Variants in FYB2 observed in about 807,000 individuals in gnomAD.
FYB2 encodes FYN-binding protein 2.
A neutral mutation model predicts 94.1 loss-of-function variants in FYB2; 103 were observed. The ratio of observed to expected loss-of-function variants is 1.09; its 90% CI spans 0.93 to 1.29. FYB2 has a LOEUF of 1.29. FYB2 is among the 50% of genes most tolerant of loss of function. FYB2 has a pLI of 0.00. For missense variants in FYB2, 896 were observed against 841.5 expected, an observed-to-expected ratio of 1.06 and a Z score of -0.80; for synonymous variants, 293 against 287.9, an observed-to-expected ratio of 1.02 and a Z score of -0.18.
At chr1:56,748,129 G>A (rs1645111021) in intron 9 of FYB2, among the ~76,000 whole-genome samples, 1 of 152,036 alleles carries the variant, frequency 6.6e-6, no homozygotes, top group African/African-American at 2.4e-5. Flanking sequence ...TAAGTTTCTT[G>A]TAGATTCTGG....
chr1:56,799,048 T>C (rs1335689184), intron 1 of FYB2, among the ~76,000 whole-genome samples: 2 of 152,212 alleles, frequency 1.3e-5, no homozygotes, highest in African/African-American at 2.4e-5. Context: ...ACTATATTTT[T>C]TTCTATCCTC....
intron 5 of FYB2, among the ~76,000 whole-genome samples, chr1:56,761,583 T>C (rs1645495790): frequency 6.6e-6 from 1 of 152,170 alleles, no homozygotes; most frequent in Non-Finnish European, 1.5e-5. Context: ...TGAGGACAAT[T>C]CTGCAGAGCT....
chr1:56,813,673 T>C (rs1570258172), intron 1 of FYB2, among the ~76,000 whole-genome samples: 1 of 152,182 alleles, frequency 6.6e-6, no homozygotes, highest in African/African-American at 2.4e-5. Flanking sequence ...GTGACACAAT[T>C]TGACCCATAA....
chr1:56,815,568 C>A (rs1646864368), intron 1 of FYB2, among the ~76,000 whole-genome samples: 1 of 152,082 alleles, frequency 6.6e-6, no homozygotes, highest in African/African-American at 2.4e-5. Context: ...CAAGAACATT[C>A]ATGGAGCAGC....
intron 1 of FYB2, among the ~76,000 whole-genome samples, chr1:56,816,240 T>C (rs2101112133): frequency 6.6e-6 from 1 of 152,306 alleles, no homozygotes; most frequent in East Asian, 1.9e-4. Context: ...TAAAAGTCAT[T>C]TGGCTGCATC....
At chr1:56,802,709 C>T (rs1297226261) in intron 1 of FYB2, among the ~76,000 whole-genome samples, 1 of 152,166 alleles carries the variant, frequency 6.6e-6, no homozygotes, top group African/African-American at 2.4e-5. Context: ...ATCTCAATTG[C>T]CTTTTCAAGG....
chr1:56,788,386 A>G (rs1646179725), intron 3 of FYB2, among the ~76,000 whole-genome samples: 1 of 152,360 alleles, frequency 6.6e-6, no homozygotes, highest in Admixed American at 6.5e-5. Context: ...TAAAATGTCA[A>G]CAAGATCAGA....
intron 15 of FYB2, among the ~76,000 whole-genome samples, chr1:56,736,181 G>A (rs1410428321): frequency 6.6e-6 from 1 of 151,960 alleles, no homozygotes; most frequent in African/African-American, 2.4e-5. Flanking sequence ...GGATGGCATA[G>A]TTCATATTTT....
chr1:56,770,540 T>C (rs1321284272), intron 4 of FYB2, among the ~76,000 whole-genome samples: 2 of 152,178 alleles, frequency 1.3e-5, no homozygotes, highest in East Asian at 3.9e-4. Context: ...AAAAATGAAT[T>C]AATCAGTTTT....
At chr1:56,767,014 C>T (rs1645639565) in intron 5 of FYB2, among the ~76,000 whole-genome samples, 2 of 152,156 alleles carry the variant, frequency 1.3e-5, no homozygotes, top group African/African-American at 2.4e-5. Flanking sequence ...TTTATGGCCT[C>T]GTGCAACTCA....
chr1:56,751,147 A>G lies in FYB2; in HGVS notation c.1284T>C (p.Gly428=). 6.2e-7 allele frequency: 1 copy of G among 1,612,640 alleles called. No individual in the cohort carries two copies. The highest frequency in any genetic ancestry group is 8.5e-7 in the Non-Finnish European group (1 of 1,179,184). The change falls in exon 9 of 20, where the codon GGT becomes GGC. Residue 428 remains glycine, a synonymous_variant. Transcript: ENST00000343433. ...EKIQMTNVHT[G]RRNMLAGKQE... ...GCTTTCCAGCCAACATGTTCCTTCT[A>G]CCTGTGTGGACGTTGGTCATCTGAA...
At chr1:56,759,232 C>CA (rs1200970751) in intron 5 of FYB2, among the ~76,000 whole-genome samples, 2 of 152,052 alleles carry the variant, frequency 1.3e-5, no homozygotes, top group Non-Finnish European at 2.9e-5. Context: ...TTGACTTTTC[C>CA]AATAGTTCTG....
intron 1 of FYB2, among the ~76,000 whole-genome samples, chr1:56,797,430 C>T (rs778661922): frequency 5.3e-5 from 8 of 152,164 alleles, no homozygotes; most frequent in Admixed American, 3.3e-4. Context: ...ACCTACCTTA[C>T]CCTGGGTATA....
At chr1:56,746,316 G>T (rs1052581340) in intron 9 of FYB2, among the ~76,000 whole-genome samples, 3 of 151,964 alleles carry the variant, frequency 2.0e-5, no homozygotes, top group Non-Finnish European at 4.4e-5. Context: ...TACATTTATA[G>T]TGTTTACTGA....
intron 6 of FYB2, among the ~76,000 whole-genome samples, chr1:56,757,363 A>G (rs1386750701): frequency 2.0e-5 from 3 of 152,108 alleles, no homozygotes; most frequent in African/African-American, 7.2e-5. Flanking sequence ...AGAGAACCAA[A>G]ACAGAGAGAT....
chr1:56,760,673 C>T (rs2100764037), intron 5 of FYB2, among the ~76,000 whole-genome samples: 1 of 152,278 alleles, frequency 6.6e-6, no homozygotes, highest in East Asian at 1.9e-4. Flanking sequence ...CTTCTCCTAA[C>T]CACCTTGAGA....
At chr1:56,780,171 G>A (rs1645974768) in intron 4 of FYB2, among the ~76,000 whole-genome samples, 1 of 152,024 alleles carries the variant, frequency 6.6e-6, no homozygotes, top group Admixed American at 6.5e-5. Context: ...ACAAAACTAG[G>A]CCCCAAGTCT....
chr1:56,808,973 T>C (rs1432530555), intron 1 of FYB2, among the ~76,000 whole-genome samples: 2 of 152,246 alleles, frequency 1.3e-5, no homozygotes, highest in Non-Finnish European at 2.9e-5. Flanking sequence ...TACCAAGTTG[T>C]GCATCTATTA....
chr1:56,729,615 A>G (rs1213696775), intron 15 of FYB2, among the ~76,000 whole-genome samples: 1 of 152,164 alleles, frequency 6.6e-6, no homozygotes, highest in African/African-American at 2.4e-5. Context: ...TTATCTAGAA[A>G]GAAAAACAGC....
Sources: allele counts gnomAD v4.1 joint callset (sites outside exome capture counted in the v4.1 genomes callset), GRCh38; gene constraint gnomAD v4.1.1; transcripts MANE v1.5; gene names NCBI Gene and HGNC (gene_info 2026-07-23, HGNC 2026-07-21).